The following FEZ1 variants were observed in gnomAD, a reference collection of about 807,000 sequenced individuals.
FEZ1 encodes the protein fasciculation and elongation protein zeta-1.
FEZ1 carries 20 observed loss-of-function variants against 49.3 expected under a neutral mutation model. That is an observed-to-expected ratio of 0.41 (90% confidence interval 0.29 to 0.59). The LOEUF (loss-of-function observed/expected upper bound fraction) is 0.59. Among genes scored for constraint, FEZ1 ranks in the 20% least tolerant of loss-of-function variants. The pLI is 0.36. For synonymous variants in FEZ1, 170 were observed against 180.9 expected, an observed-to-expected ratio of 0.94 and a Z score of 0.48; for missense variants, 413 against 476.0, an observed-to-expected ratio of 0.87 and a Z score of 1.23.
intron 3 of FEZ1, among the ~76,000 whole-genome samples, chr11:125,465,247 A>G (rs1957116191): frequency 6.6e-6 from 1 of 152,176 alleles, no homozygotes; most frequent in South Asian, 2.1e-4. Flanking sequence ...CTATATAAAA[A>G]TGGCATGTTT....
intron 6 of FEZ1, chr11:125,455,400 TAAC>T (rs1272475833): frequency 1.2e-5 from 2 of 162,450 alleles, no homozygotes; most frequent in African/African-American, 4.8e-5. Context: ...CAAAAAATAA[TAAC>T]AATAATAATA....
At chr11:125,480,966 G>A (rs141168401) in intron 3 of FEZ1, among the ~76,000 whole-genome samples, 1 of 151,970 alleles carries the variant, frequency 6.6e-6, no homozygotes, top group Non-Finnish European at 1.5e-5. Flanking sequence ...TTGAACCCGG[G>A]AGGCGAAGGT....
intron 5 of FEZ1, among the ~76,000 whole-genome samples, chr11:125,456,951 C>T (rs1440616782): frequency 6.6e-6 from 1 of 151,462 alleles, no homozygotes; most frequent in Admixed American, 6.6e-5. Flanking sequence ...TGGAAGGCTG[C>T]GATGTGCGGA....
At chr11:125,454,342 A>T in intron 6 of FEZ1, 132 bp from the exon 7 acceptor site, 1 of 584,520 alleles carries the variant, frequency 1.7e-6, no homozygotes, top group Non-Finnish European at 3.0e-6. Context: ...AGTGTAAGAC[A>T]CTGGCTTACA....
chr11:125,457,463 C>CAT (rs1348162217), intron 5 of FEZ1, among the ~76,000 whole-genome samples: 3 of 51,240 alleles, frequency 5.9e-5, no homozygotes, highest in African/African-American at 1.3e-4. Context: ...TATATATACA[C>CAT]ATATATATGT....
rs769286260 is a variant in FEZ1, at chr11:125,454,126, G to A, written c.1020+4C>T. The A allele has an allele frequency of 1.7e-5, 28 of 1,609,966 alleles. No homozygotes were observed. The highest frequency in any genetic ancestry group is 2.7e-5 in the African/African-American group (2 of 74,790). On this transcript the variant is annotated splice_donor_region_variant and intron_variant, in intron 7 of 9. Transcript: ENST00000278919. ...AGAGCTTGGAGCAGGGAGACTACGCGTACCTGTTTGTCAGTTCCTGAGGAG... is the reference window on the plus strand; with the variant it reads ...AGAGCTTGGAGCAGGGAGACTACGCATACCTGTTTGTCAGTTCCTGAGGAG...
At chr11:125,462,331 A>G (rs1392159851) in intron 4 of FEZ1, among the ~76,000 whole-genome samples, 1 of 152,236 alleles carries the variant, frequency 6.6e-6, no homozygotes, top group Non-Finnish European at 1.5e-5. Flanking sequence ...TATTAAAGCT[A>G]TGATGATCTC....
intron 3 of FEZ1, among the ~76,000 whole-genome samples, chr11:125,471,036 T>G (rs979902153): frequency 6.6e-6 from 1 of 152,134 alleles, no homozygotes; most frequent in African/African-American, 2.4e-5. Context: ...TGGACTATGA[T>G]TAATTAATAA....
intron 5 of FEZ1, among the ~76,000 whole-genome samples, chr11:125,457,951 G>GC (rs1483481733): frequency 6.6e-6 from 1 of 151,860 alleles, no homozygotes; most frequent in Non-Finnish European, 1.5e-5. Flanking sequence ...TCCCCCTTCT[G>GC]TTTTTTTGCC....
chr11:125,493,428 A>G (rs913610824), intron 1 of FEZ1, among the ~76,000 whole-genome samples: 14 of 34,980 alleles, frequency 4.0e-4, no homozygotes, highest in African/African-American at 3.3e-3. Context: ...GAAAGAAGGA[A>G]AGAAGGAAAG....
At chr11:125,461,391 G>T (rs958288491) in intron 4 of FEZ1, among the ~76,000 whole-genome samples, 6 of 152,166 alleles carry the variant, frequency 3.9e-5, no homozygotes, top group Admixed American at 3.9e-4. Flanking sequence ...TGGATCACTT[G>T]AGCTCAGGAG....
At chr11:125,483,008 AAAT>A (rs1957298104) in intron 2 of FEZ1, among the ~76,000 whole-genome samples, 1 of 150,290 alleles carries the variant, frequency 6.7e-6, no homozygotes, top group South Asian at 2.1e-4. Flanking sequence ...AAAAAAACTA[AAAT>A]ATTAGATAAT....
intron 2 of FEZ1, among the ~76,000 whole-genome samples, chr11:125,486,794 G>A (rs1001689880): frequency 1.3e-5 from 2 of 152,168 alleles, no homozygotes; most frequent in African/African-American, 4.8e-5. Context: ...GTGTAGTCAG[G>A]TGAGATATTA....
In FEZ1 at chr11:125,443,436, A is replaced by C. The variant is rs1402565482; in HGVS notation, c.*2659T>G. 6.6e-6 allele frequency among the ~76,000 whole-genome samples: 1 copy of C among 152,252 alleles called. No individual in the cohort carries two copies. The highest frequency in any genetic ancestry group is 1.5e-5 in the Non-Finnish European group (1 of 68,046). ...TGAAAACCTAGGGCAGAGTTTCTCT[A>C]ATCCTTGATGCAAATACAAGTTGCA... On this transcript the variant is annotated 3_prime_UTR_variant, in exon 10 of 10. Coordinates refer to ENST00000278919, the MANE Select transcript of FEZ1 (RefSeq NM_005103.5).
At chr11:125,486,272 G>C (rs1957325888) in intron 2 of FEZ1, among the ~76,000 whole-genome samples, 1 of 152,182 alleles carries the variant, frequency 6.6e-6, no homozygotes, top group Non-Finnish European at 1.5e-5. Context: ...TAAGAGGGCT[G>C]ATAGGGATCC....
chr11:125,460,401 G>T, intron 5 of FEZ1, 97 bp downstream of exon 5: 1 of 1,066,582 alleles, frequency 9.4e-7, no homozygotes, highest in Non-Finnish European at 1.4e-6. Context: ...CTCTGAGGCA[G>T]TCAGGGTTCT....
intron 3 of FEZ1, among the ~76,000 whole-genome samples, chr11:125,477,667 A>G (rs951865582): frequency 1.3e-5 from 2 of 152,148 alleles, no homozygotes; most frequent in Admixed American, 6.5e-5. Context: ...GGTACTAGGC[A>G]CTAAGGACCA....
chr11:125,478,090 A>C (rs1322359779), intron 3 of FEZ1, among the ~76,000 whole-genome samples: 3 of 152,246 alleles, frequency 2.0e-5, no homozygotes, highest in Admixed American at 6.5e-5. Flanking sequence ...ATTTAATTAA[A>C]TTTCTTAGTG....
intron 2 of FEZ1, among the ~76,000 whole-genome samples, chr11:125,488,031 G>A (rs919711989): frequency 6.0e-5 from 9 of 150,890 alleles, no homozygotes; most frequent in African/African-American, 7.4e-5. Context: ...CTTCCCTGAC[G>A]TTTGACATTT....
Sources: allele counts gnomAD v4.1 joint callset (sites outside exome capture counted in the v4.1 genomes callset), GRCh38; gene constraint gnomAD v4.1.1; transcripts MANE v1.5; gene names NCBI Gene and HGNC (gene_info 2026-07-23, HGNC 2026-07-21).